PACSIN1: variants seen among roughly 807,000 people sequenced by gnomAD.
PACSIN1 encodes the protein protein kinase C and casein kinase substrate in neurons protein 1.
A neutral mutation model predicts 59.5 loss-of-function variants in PACSIN1; 15 were observed. The ratio of observed to expected loss-of-function variants is 0.25; its 90% CI spans 0.17 to 0.39. PACSIN1 has a LOEUF of 0.39. PACSIN1 is among the 10% of genes least tolerant of loss of function. The pLI is 1.00. For missense variants in PACSIN1, 420 were observed against 580.2 expected (o/e 0.72, Z 2.84); for synonymous variants, 210 against 220.6 (o/e 0.95, Z 0.42).
In PACSIN1 at chr6:34,514,043, A is replaced by G. The variant is rs1343781313; in HGVS notation, c.-63-12200A>G. Among the ~76,000 whole-genome samples, 2 of 152,144 alleles carry G rather than the reference A, an allele frequency of 1.3e-5. No homozygotes were observed. The highest frequency in any genetic ancestry group is 2.4e-5 in the African/African-American group (1 of 41,414). On this transcript the variant is annotated intron_variant, in intron 1 of 9. Coordinates refer to ENST00000244458, the MANE Select transcript of PACSIN1 (RefSeq NM_020804.5). This position sits in a 1 kb window ranked among gnomAD's most constrained non-coding sequence, Gnocchi z 4.4. Reference sequence around the variant, plus strand: ...GTGTCTTAAAGATGTGCGTATGCTGATATTAGTGTCACAGTTACGTGTGTG... The same window carrying G: ...GTGTCTTAAAGATGTGCGTATGCTGGTATTAGTGTCACAGTTACGTGTGTG...
chr6:34,504,290 ATTTTT>A (rs368149319), intron 1 of PACSIN1, among the ~76,000 whole-genome samples: 12,426 of 93,776 alleles, frequency 0.13, 696 homozygotes, highest in Middle Eastern at 0.15. Flanking sequence ...ATATATATAT[ATTTTT>A]TTTTTTTTTT....
chr6:34,507,778 C>A (rs895383816), intron 1 of PACSIN1, among the ~76,000 whole-genome samples: 1 of 152,164 alleles, frequency 6.6e-6, no homozygotes, highest in Non-Finnish European at 1.5e-5. Flanking sequence ...ATTTTAGATA[C>A]CTCATGTAAG....
intron 1 of PACSIN1, among the ~76,000 whole-genome samples, chr6:34,520,500 C>T (rs1384590437): frequency 6.6e-6 from 1 of 152,202 alleles, no homozygotes; most frequent in Non-Finnish European, 1.5e-5. Flanking sequence ...GAGTCTGGCT[C>T]TGCCTCCTTC....
intron 1 of PACSIN1, among the ~76,000 whole-genome samples, chr6:34,474,088 C>T (rs1024649134): frequency 6.6e-6 from 1 of 152,096 alleles, no homozygotes; most frequent in Non-Finnish European, 1.5e-5. Context: ...TTTTCTTATT[C>T]TTTTGCAGTT....
At position 34,531,610 on chromosome 6, in the gene PACSIN1, T is replaced by C. The variant is rs149949488; in HGVS notation, c.1048T>C (p.Tyr350His). ...TCCTCCGCGTCTCAGTGTTAGCAGC[T>C]ACGACAGAGGCCAGCCCTACGCCAC... is the stretch of plus-strand genomic sequence containing the variant. ...QAGDRGSVSSYDRGQPYATEW... is the reference protein window; with the variant it reads ...QAGDRGSVSSHDRGQPYATEW... Residue 350 changes from tyrosine (Y) to histidine (H), a missense_variant, in exon 9 of 10, where the codon TAC becomes CAC. Transcript: ENST00000244458. This position sits in a 1 kb window ranked among gnomAD's most constrained non-coding sequence, Gnocchi z 4.4. 12,881 of 1,613,818 alleles carry C rather than the reference T, an allele frequency of 8.0e-3. 64 individuals are homozygous for C. The highest frequency in any genetic ancestry group is 9.7e-3 in the Non-Finnish European group (11,438 of 1,179,968).
chr6:34,489,741 C>A (rs540926584), intron 1 of PACSIN1, among the ~76,000 whole-genome samples: 2 of 152,368 alleles, frequency 1.3e-5, no homozygotes, highest in Admixed American at 6.5e-5. Context: ...TCCGCCCTAA[C>A]AGGGGGCCAC....
chr6:34,529,920 T>G lies in PACSIN1; in HGVS notation c.788+79T>G. On this transcript the variant is annotated intron_variant, in intron 6 of 9. Transcript: ENST00000244458. The surrounding 1 kb of genome is among the most constrained non-coding windows in gnomAD (Gnocchi z 6.3). The stretch of plus-strand genomic sequence containing the variant: ...ACTGGCATGCAGGGCATCCCAGCCC[T>G]CCATCACAGTGACGGGAAGGGGAGG... 6.9e-7 allele frequency: 1 copy of G among 1,448,678 alleles called. No homozygotes were observed. The highest frequency in any genetic ancestry group is 9.4e-7 in the Non-Finnish European group (1 of 1,059,772). 89.7% of individuals were successfully genotyped at this position (1,448,678 alleles called of 1,614,324 possible).
chr6:34,508,155 G>A (rs1029397009), intron 1 of PACSIN1, among the ~76,000 whole-genome samples: 2 of 152,146 alleles, frequency 1.3e-5, no homozygotes, highest in African/African-American at 4.8e-5. Flanking sequence ...CCCAGCTGGA[G>A]TCCAATGGCG....
chr6:34,506,315 T>C (rs957228076), intron 1 of PACSIN1, among the ~76,000 whole-genome samples: 1 of 152,192 alleles, frequency 6.6e-6, no homozygotes, highest in Non-Finnish European at 1.5e-5. Flanking sequence ...CCTACTGGGC[T>C]CAAGCAATCC....
chr6:34,486,472 G>T (rs1766795908), intron 1 of PACSIN1, among the ~76,000 whole-genome samples: 1 of 152,160 alleles, frequency 6.6e-6, no homozygotes, highest in Non-Finnish European at 1.5e-5. Context: ...ATGGAACTGG[G>T]ATTCAACTAC....
chr6:34,522,961 C>A (rs866481902), intron 1 of PACSIN1, among the ~76,000 whole-genome samples: 6 of 152,320 alleles, frequency 3.9e-5, no homozygotes, highest in Middle Eastern at 6.8e-3. Context: ...GAGGGCAGAT[C>A]TTCCTTCCTC....
chr6:34,482,859 T>G (rs1402420351), intron 1 of PACSIN1, among the ~76,000 whole-genome samples: 5 of 150,964 alleles, frequency 3.3e-5, no homozygotes, highest in African/African-American at 1.2e-4. Context: ...AATTTTTGTA[T>G]TTTTTTTAGT....
Position 34,531,519 on chromosome 6 carries a change from G to T in PACSIN1, c.1038-81G>T, listed in dbSNP as rs1012103129. On this transcript the variant is annotated intron_variant, in intron 8 of 9. Transcript: ENST00000244458. The surrounding 1 kb of genome is among the most constrained non-coding windows in gnomAD (Gnocchi z 4.4). ...TAGCCTTGGTAGAATTCGGGATCAG[G>T]GCTCTGATTAGGAGGAGCGGTTAGC... 121 of 1,418,252 alleles carry T rather than the reference G, an allele frequency of 8.5e-5. No homozygotes were observed. The highest frequency in any genetic ancestry group is 1.1e-4 in the Non-Finnish European group (111 of 1,021,846). 87.9% of individuals were successfully genotyped at this position (1,418,252 alleles called of 1,614,324 possible). A position where few individuals can be genotyped will look rare whatever the true frequency, so the allele number is the denominator to read the frequency against.
At chr6:34,493,626 C>T (rs1766908408) in intron 1 of PACSIN1, among the ~76,000 whole-genome samples, 1 of 152,248 alleles carries the variant, frequency 6.6e-6, no homozygotes, top group South Asian at 2.1e-4. Flanking sequence ...ATCACTGATT[C>T]TGTTGTGAAC....
chr6:34,522,501 G>A (rs77122798), intron 1 of PACSIN1, among the ~76,000 whole-genome samples: 8,033 of 152,280 alleles, frequency 0.053, 341 homozygotes, highest in African/African-American at 0.11. Context: ...CCCTAGCTGG[G>A]TGTATTAGGC....
At chr6:34,509,847 A>C (rs1767171749) in intron 1 of PACSIN1, among the ~76,000 whole-genome samples, 2 of 151,948 alleles carry the variant, frequency 1.3e-5, no homozygotes, top group South Asian at 2.1e-4. Flanking sequence ...TGGGTTCTTA[A>C]ATTTTTTTCA....
intron 1 of PACSIN1, among the ~76,000 whole-genome samples, chr6:34,477,659 C>A (rs755688444): frequency 6.6e-6 from 1 of 152,230 alleles, no homozygotes; most frequent in African/African-American, 2.4e-5. Flanking sequence ...TAGACTTCTA[C>A]AAAGAACTAT....
intron 1 of PACSIN1, among the ~76,000 whole-genome samples, chr6:34,501,208 TG>T (rs1429002118): frequency 1.3e-5 from 2 of 152,226 alleles, no homozygotes; most frequent in Non-Finnish European, 2.9e-5. Flanking sequence ...CTTCCCAAAG[TG>T]CTGGGATTAC....
In PACSIN1 at chr6:34,466,086, C is replaced by G. The variant is rs560251157; in HGVS notation, c.-248C>G. 51 of 152,640 alleles carry G rather than the reference C, an allele frequency of 3.3e-4. No homozygotes were observed. The East Asian group carries it at 8.3e-3, about 25-fold the overall frequency. The allele number at this position is 152,640 out of a possible 1,614,324, so 9.5% of individuals were successfully genotyped here. On this transcript the variant is annotated 5_prime_UTR_variant, in exon 1 of 10. Transcript: ENST00000244458. ...GCACGCCTCCTCCTCATCCTTCCCC[C>G]CTCTCCGCCTCAGCTCTGACCTTCC...
Sources: gnomAD v4.1 joint callset for allele counts (sites outside exome capture counted in the v4.1 genomes callset) on GRCh38, gnomAD v4.1.1 for gene constraint, Gnocchi (gnomAD v3.1) non-coding constraint, MANE v1.5 for transcripts, NCBI Gene and HGNC (gene_info 2026-07-23, HGNC 2026-07-21) for gene names.